The following CALN1 variants were observed in gnomAD, a reference collection of about 807,000 sequenced individuals.
CALN1 encodes calcium-binding protein 8.
A neutral mutation model predicts 30.6 loss-of-function variants in CALN1; 17 were observed. The observed-to-expected ratio is 0.56, with a 90% confidence interval of 0.38 to 0.83. The LOEUF (loss-of-function observed/expected upper bound fraction) is 0.83, where lower values mean the gene tolerates loss of function less well. CALN1 is among the 40% of genes least tolerant of loss of function. The pLI, the probability that CALN1 is intolerant of heterozygous loss-of-function variation, is 0.00. For synonymous variants in CALN1, 156 were observed against 131.4 expected (o/e 1.19, Z -1.28); for missense variants, 291 against 354.9 (o/e 0.82, Z 1.45).
chr7:72,232,457 A>AT (rs397958180), intron 3 of CALN1, among the ~76,000 whole-genome samples: 30 of 151,916 alleles, frequency 2.0e-4, no homozygotes, highest in East Asian at 1.6e-3. Context: ...TTTCAAAAAA[A>AT]TTTTTTTTTA....
chr7:72,371,521 A>G (rs770117901), intron 2 of CALN1, among the ~76,000 whole-genome samples: 84 of 152,114 alleles, frequency 5.5e-4, no homozygotes, highest in Non-Finnish European at 1.1e-3. Context: ...TCATGTGAAG[A>G]AGGACGTGTT....
Position 72,219,247 on chromosome 7 carries a change from C to T in CALN1, c.244+59439G>A, listed in dbSNP as rs535708730. ...ATTTTTTCTTCATTTTCTTAAGAGA[C>T]AAGGTCTTGCTCTGTTGCCCAAGGC... On this transcript the variant is annotated intron_variant, in intron 3 of 6. Transcript: ENST00000395275. Among the ~76,000 whole-genome samples, 115 of 152,186 alleles carry T rather than the reference C, an allele frequency of 7.6e-4. 4 individuals carry two copies. The South Asian group carries it at 0.023, about 30-fold the overall frequency.
intron 4 of CALN1, among the ~76,000 whole-genome samples, chr7:72,029,504 G>A (rs1020915867): frequency 1.3e-5 from 2 of 152,124 alleles, no homozygotes; most frequent in Non-Finnish European, 2.9e-5. Context: ...TTCTAATGAA[G>A]CACTTCTTGG....
intron 5 of CALN1, among the ~76,000 whole-genome samples, chr7:71,949,475 A>T (rs1419339771): frequency 6.6e-6 from 1 of 151,816 alleles, no homozygotes; most frequent in African/African-American, 2.4e-5. Context: ...CCTCTCCCTG[A>T]GGTTCAAGCG....
chr7:71,876,017 G>A (rs1792224079), intron 5 of CALN1, among the ~76,000 whole-genome samples: 1 of 152,096 alleles, frequency 6.6e-6, no homozygotes, highest in African/African-American at 2.4e-5. Flanking sequence ...GAGAGGTTTG[G>A]GGCATTTGGC....
At chr7:71,944,928 G>A (rs1272548779) in intron 5 of CALN1, among the ~76,000 whole-genome samples, 2 of 151,362 alleles carry the variant, frequency 1.3e-5, no homozygotes, top group African/African-American at 2.5e-5. Flanking sequence ...CTGAAATCTA[G>A]CTAAGTGATA....
At chr7:72,313,425 T>C (rs1440363340) in intron 2 of CALN1, among the ~76,000 whole-genome samples, 1 of 152,158 alleles carries the variant, frequency 6.6e-6, no homozygotes, top group Non-Finnish European at 1.5e-5. Flanking sequence ...AGAGTATCAC[T>C]GTGTCACCCA....
chr7:71,864,729 T>C (rs1164523697), intron 5 of CALN1, among the ~76,000 whole-genome samples: 2 of 152,114 alleles, frequency 1.3e-5, no homozygotes, highest in Non-Finnish European at 2.9e-5. Flanking sequence ...TGGCCAGGTG[T>C]GGTAGCTCAC....
chr7:72,354,476 G>A (rs1803110080), intron 2 of CALN1, among the ~76,000 whole-genome samples: 1 of 152,222 alleles, frequency 6.6e-6, no homozygotes, highest in East Asian at 1.9e-4. Context: ...GTATGCAAAG[G>A]ACATAGAATA....
chr7:72,171,588 T>C (rs1788965166), intron 3 of CALN1, among the ~76,000 whole-genome samples: 1 of 152,220 alleles, frequency 6.6e-6, no homozygotes, highest in Non-Finnish European at 1.5e-5. Context: ...TTTAGCCTCG[T>C]ATGTTCTCAG....
intron 1 of CALN1, among the ~76,000 whole-genome samples, chr7:72,421,319 T>C (rs1393088653): frequency 4.6e-5 from 7 of 152,148 alleles, no homozygotes; most frequent in Admixed American, 4.6e-4. Context: ...TGTATGTTTT[T>C]CTATCCTCAC....
chr7:71,898,272 G>C (rs1388430348), intron 5 of CALN1, among the ~76,000 whole-genome samples: 2 of 152,156 alleles, frequency 1.3e-5, no homozygotes, highest in Non-Finnish European at 2.9e-5. Flanking sequence ...AGAGGTTGCA[G>C]TGAGCCGAGA....
chr7:72,466,866 A>AAAAG, the CALN1 span, among the ~76,000 whole-genome samples: 129,178 of 150,226 alleles, frequency 0.86, 55,654 homozygotes, highest in East Asian at 1. Context: ...AAGAGAAAGA[A>AAAAG]AAAGAAAGAA....
chr7:72,389,746 C>T (rs1383292220), intron 2 of CALN1, among the ~76,000 whole-genome samples: 1 of 151,936 alleles, frequency 6.6e-6, no homozygotes, highest in African/African-American at 2.4e-5. Context: ...ATGGTGAAAC[C>T]CTGTCTCTAC....
At chr7:72,222,914 G>A (rs757608920) in intron 3 of CALN1, among the ~76,000 whole-genome samples, 3 of 152,104 alleles carry the variant, frequency 2.0e-5, no homozygotes, top group East Asian at 1.9e-4. Context: ...CCAGCTACTC[G>A]GGAGGTTGAG....
chr7:72,119,383 C>A (rs1451984865), intron 3 of CALN1, among the ~76,000 whole-genome samples: 1 of 152,050 alleles, frequency 6.6e-6, no homozygotes, highest in Non-Finnish European at 1.5e-5. Flanking sequence ...ATGAGAACAG[C>A]GCAGGAAAGA....
chr7:72,044,483 G>T (rs771330105), intron 4 of CALN1, among the ~76,000 whole-genome samples: 2 of 151,400 alleles, frequency 1.3e-5, no homozygotes, highest in Non-Finnish European at 2.9e-5. Context: ...ATATGGAAGA[G>T]AAATTATCCA....
intron 4 of CALN1, among the ~76,000 whole-genome samples, chr7:72,067,667 G>T (rs1804115013): frequency 6.6e-6 from 1 of 152,202 alleles, no homozygotes; most frequent in South Asian, 2.1e-4. Flanking sequence ...AGGGGAATCT[G>T]TCAATAAGTT....
chr7:72,155,353 G>A (rs572675721), intron 3 of CALN1, among the ~76,000 whole-genome samples: 7 of 151,756 alleles, frequency 4.6e-5, no homozygotes, highest in South Asian at 4.2e-4. Context: ...TTAGCCGGGC[G>A]TGGTGGCAGG....
Sources: gnomAD v4.1 joint callset for allele counts (sites outside exome capture counted in the v4.1 genomes callset) on GRCh38, gnomAD v4.1.1 for gene constraint, MANE v1.5 for transcripts, NCBI Gene and HGNC (gene_info 2026-07-23, HGNC 2026-07-21) for gene names.